STARD13: variants seen among roughly 807,000 people sequenced by gnomAD.
STARD13 encodes the protein StAR related lipid transfer domain containing 13.
A neutral mutation model predicts 106.4 loss-of-function variants in STARD13; 62 were observed. That is an observed-to-expected ratio of 0.58 (90% CI 0.48 to 0.72). The LOEUF is 0.72. Ranked by LOEUF, STARD13 falls within the 30% of genes least tolerant of loss-of-function variation. The pLI, the probability that STARD13 is intolerant of heterozygous loss-of-function variation, is 0.00. For missense variants in STARD13, 1,387 were observed against 1,424.0 expected (o/e 0.97, Z 0.42); for synonymous variants, 565 against 553.0 (o/e 1.02, Z -0.31).
the STARD13 span, among the ~76,000 whole-genome samples, chr13:33,571,464 C>T: frequency 2.2e-3 from 328 of 152,166 alleles, 1 homozygote; most frequent in African/African-American, 7.5e-3. Context: ...TTTCTGCATA[C>T]CTTATGCTAT....
At chr13:33,374,170 TG>T in the STARD13 span, among the ~76,000 whole-genome samples, 2 of 152,112 alleles carry the variant, frequency 1.3e-5, no homozygotes, top group East Asian at 3.8e-4. Flanking sequence ...TTATACTAAG[TG>T]AAATAAGCTA....
At chr13:33,407,153 T>C in the STARD13 span, among the ~76,000 whole-genome samples, 4 of 152,232 alleles carry the variant, frequency 2.6e-5, no homozygotes, top group Admixed American at 2.0e-4. Context: ...TAATCTGTTA[T>C]GCTCTGGCTA....
At chr13:33,662,304 ACTAT>A in the STARD13 span, among the ~76,000 whole-genome samples, 3 of 152,096 alleles carry the variant, frequency 2.0e-5, no homozygotes, top group African/African-American at 7.2e-5. Context: ...CAACCACCAA[ACTAT>A]CTGTCTGGGT....
chr13:33,587,229 A>G, the STARD13 span, among the ~76,000 whole-genome samples: 2 of 151,330 alleles, frequency 1.3e-5, no homozygotes. Context: ...AAAAAAAAAA[A>G]AAAATTCTCT....
the STARD13 span, among the ~76,000 whole-genome samples, chr13:33,548,849 T>C: frequency 6.6e-6 from 1 of 152,116 alleles, no homozygotes; most frequent in Admixed American, 6.5e-5. Context: ...TTGAGTAAAA[T>C]ATACATGCAT....
At chr13:33,604,378 T>A in the STARD13 span, among the ~76,000 whole-genome samples, 1 of 152,160 alleles carries the variant, frequency 6.6e-6, no homozygotes, top group Non-Finnish European at 1.5e-5. Context: ...ATAGTGAAAT[T>A]ACAGAACACC....
rs7995387 is a variant in STARD13 at position 33,215,685 on chromosome 13, G to T, written c.170-48063C>A. ...CATTTTCTAGGCATCTTAAAAGGAAGGCAGAGTATCATTTCCCTGAAGTAT... is the reference window on the plus strand; with the variant it reads ...CATTTTCTAGGCATCTTAAAAGGAATGCAGAGTATCATTTCCCTGAAGTAT... On this transcript the variant is annotated intron_variant, in intron 1 of 13. Transcript: ENST00000336934. 6.4e-3 allele frequency among the ~76,000 whole-genome samples: 974 copies of T among 152,252 alleles called. 12 individuals carry two copies. Among genetic ancestry groups the T allele is most frequent in the African/African-American group, 0.022 (923 of 41,530 alleles).
intron 3 of STARD13, among the ~76,000 whole-genome samples, chr13:33,144,501 T>C (rs904704760): frequency 6.6e-6 from 1 of 152,226 alleles, no homozygotes; most frequent in Admixed American, 6.5e-5. Flanking sequence ...ATTTCTCAAC[T>C]TTTTCTCACG....
rs140735551 is a variant in STARD13, at chr13:33,263,960, C to A, written c.169+21510G>T. Among the ~76,000 whole-genome samples the A allele has an allele frequency of 3.3e-5, 5 of 152,274 alleles. No individual in the cohort carries two copies. In the East Asian group the frequency reaches 7.7e-4, roughly 24 times the overall value. On this transcript the variant is annotated intron_variant, in intron 1 of 13. Coordinates refer to ENST00000336934, the MANE Select transcript of STARD13 (RefSeq NM_178006.4). ...ATAGAATACAGAAAAAGTGAAGAGG[C>A]AACTTCCAAGACTAGATCATAAAAA...
At chr13:33,445,704 C>A in the STARD13 span, among the ~76,000 whole-genome samples, 684 of 152,202 alleles carry the variant, frequency 4.5e-3, 6 homozygotes, top group African/African-American at 0.014. Context: ...ATTTCCACTC[C>A]TGGCTGAAGG....
chr13:33,510,908 T>A, the STARD13 span, among the ~76,000 whole-genome samples: 2 of 152,300 alleles, frequency 1.3e-5, no homozygotes, highest in South Asian at 4.1e-4. Flanking sequence ...TGAAATTGAG[T>A]TCACAAGCCA....
chr13:33,463,880 C>T, the STARD13 span, among the ~76,000 whole-genome samples: 3 of 151,842 alleles, frequency 2.0e-5, no homozygotes, highest in South Asian at 2.1e-4. Context: ...GGCATGGTGG[C>T]GGGTACATGT....
chr13:33,592,265 C>G, the STARD13 span, among the ~76,000 whole-genome samples: 1 of 152,098 alleles, frequency 6.6e-6, no homozygotes, highest in Admixed American at 6.6e-5. Context: ...AATCAAATCC[C>G]CTTTGGTATT....
chr13:33,477,398 G>C, the STARD13 span, among the ~76,000 whole-genome samples: 2 of 152,170 alleles, frequency 1.3e-5, no homozygotes, highest in African/African-American at 4.8e-5. Flanking sequence ...GGGGCAGGTA[G>C]CCACATCACC....
At chr13:33,142,072 A>C (rs1340208090) in intron 4 of STARD13, among the ~76,000 whole-genome samples, 3 of 152,204 alleles carry the variant, frequency 2.0e-5, no homozygotes. Context: ...TGTGTCACCC[A>C]GGTTGAAGTG....
chr13:33,365,958 A>G, the STARD13 span, among the ~76,000 whole-genome samples: 47 of 152,166 alleles, frequency 3.1e-4, no homozygotes, highest in African/African-American at 1.1e-3. Flanking sequence ...TTAAGGTATT[A>G]TTAGCATACC....
At chr13:33,169,425 T>C (rs1883693197) in intron 1 of STARD13, among the ~76,000 whole-genome samples, 1 of 152,182 alleles carries the variant, frequency 6.6e-6, no homozygotes, top group Admixed American at 6.5e-5. Flanking sequence ...GTGGAAAATG[T>C]GGTGAGTTGC....
At chr13:33,371,921 A>G in the STARD13 span, among the ~76,000 whole-genome samples, 1 of 152,238 alleles carries the variant, frequency 6.6e-6, no homozygotes, top group South Asian at 2.1e-4. Flanking sequence ...CAGACAAAGA[A>G]ACTTGAAAGA....
chr13:33,346,934 G>C (rs1045876016), downstream of STARD13, among the ~76,000 whole-genome samples: 15 of 152,018 alleles, frequency 9.9e-5, no homozygotes, highest in African/African-American at 3.4e-4. Flanking sequence ...CGCTGCACCT[G>C]GCCACAAATA....
Sources: allele counts gnomAD v4.1 joint callset (sites outside exome capture counted in the v4.1 genomes callset), GRCh38; gene constraint gnomAD v4.1.1; transcripts MANE v1.5; gene names NCBI Gene and HGNC (gene_info 2026-07-23, HGNC 2026-07-21).